Variants in JPH3 observed in about 807,000 individuals in gnomAD.
JPH3 encodes junctophilin-3.
A neutral mutation model predicts 59.6 loss-of-function variants in JPH3; 11 were observed. The observed-to-expected ratio is 0.18, with a 90% CI of 0.12 to 0.31. The LOEUF is 0.31. Among genes scored for constraint, JPH3 ranks in the 10% least tolerant of loss-of-function variants. JPH3 has a pLI of 1.00. For synonymous variants in JPH3, 673 were observed against 483.6 expected (o/e 1.39, Z -5.14); for missense variants, 1,202 against 1,105.7 (o/e 1.09, Z -1.24).
At chr16:87,692,809 C>A (rs2033633979) in intron 4 of JPH3, among the ~76,000 whole-genome samples, 1 of 152,208 alleles carries the variant, frequency 6.6e-6, no homozygotes, top group Non-Finnish European at 1.5e-5. Context: ...AAGCTTCCCT[C>A]CTGCGGGCAG....
intron 4 of JPH3, chr16:87,696,271 G>A (rs554379135): frequency 4.7e-5 from 23 of 489,622 alleles, no homozygotes; most frequent in Admixed American, 3.7e-4. Flanking sequence ...GGGAGGCCTG[G>A]GTGGTTCTCT....
chr16:87,677,227 A>AC (rs1567610816), intron 2 of JPH3, among the ~76,000 whole-genome samples: 5,504 of 98,680 alleles, frequency 0.056, 199 homozygotes, highest in Middle Eastern at 0.076. Flanking sequence ...CACACACACA[A>AC]AAAAAAAAAT....
intron 1 of JPH3, among the ~76,000 whole-genome samples, chr16:87,641,883 A>T (rs1378125187): frequency 1.3e-5 from 2 of 152,202 alleles, no homozygotes; most frequent in Non-Finnish European, 2.9e-5. Context: ...TACATTCTGG[A>T]ACATCTAAGA....
intron 2 of JPH3, among the ~76,000 whole-genome samples, chr16:87,677,226 A>ACAC (rs1491554199): frequency 3.4e-4 from 30 of 88,100 alleles, no homozygotes; most frequent in Admixed American, 1.7e-3. Flanking sequence ...ACACACACAC[A>ACAC]AAAAAAAAAA....
Position 87,696,877 on chromosome 16 carries a change from ACT to A in JPH3, c.*220_*221del. 3 of 548,916 alleles carry A rather than the reference ACT, an allele frequency of 5.5e-6. No individual in the cohort carries two copies. The South Asian group carries it at 6.1e-5, about 11-fold the overall frequency. The allele number at this position is 548,916 out of a possible 1,614,324, so 34.0% of individuals were successfully genotyped here. On this transcript the variant is annotated 3_prime_UTR_variant, in exon 5 of 5. Coordinates refer to ENST00000284262, the MANE Select transcript of JPH3 (RefSeq NM_020655.4). ...AGCCAAAATTCTTTGCTTGTATAACACTCTGCTGTGTGGCATGGCAGAAGGAG... is the reference window on the plus strand; with the variant it reads ...AGCCAAAATTCTTTGCTTGTATAACACTGCTGTGTGGCATGGCAGAAGGAG...
intron 2 of JPH3, among the ~76,000 whole-genome samples, chr16:87,680,584 C>T (rs563484665): frequency 3.3e-5 from 5 of 152,330 alleles, no homozygotes; most frequent in Admixed American, 6.5e-5. Context: ...GGAGGCACTA[C>T]GGAGCCATGG....
intron 2 of JPH3, among the ~76,000 whole-genome samples, chr16:87,658,277 G>C (rs145730017): frequency 7.1e-4 from 108 of 152,314 alleles, no homozygotes; most frequent in Middle Eastern, 3.4e-3. Context: ...TCCCGGCAGG[G>C]ATTCTGCATT....
At position 87,690,364 on chromosome 16, in the gene JPH3, C is replaced by G; in HGVS notation, c.2004C>G (p.Ala668=). The G allele has an allele frequency of 1.9e-6, 3 of 1,551,776 alleles. No individual in the cohort carries two copies. The highest frequency in any genetic ancestry group is 2.6e-6 in the Non-Finnish European group (3 of 1,151,628). Residue 668 remains alanine, a synonymous_variant, in exon 4 of 5, where the codon GCC becomes GCG. Coordinates refer to ENST00000284262, the MANE Select transcript of JPH3 (RefSeq NM_020655.4). ...AGAACAAGGAGAACTTCAGGCCGGCCTCCTCCGCGGAGCCCGCCGTGCAGA... is the reference window on the plus strand; with the variant it reads ...AGAACAAGGAGAACTTCAGGCCGGCGTCCTCCGCGGAGCCCGCCGTGCAGA... ...KAQNKENFRP[A]SSAEPAVQKL...
intron 2 of JPH3, among the ~76,000 whole-genome samples, chr16:87,651,153 G>T (rs1401691854): frequency 2.0e-5 from 3 of 152,218 alleles, no homozygotes; most frequent in African/African-American, 7.2e-5. Flanking sequence ...GAACAACAAA[G>T]ACCTGGATGG....
At chr16:87,677,119 A>G (rs1423801844) in intron 2 of JPH3, among the ~76,000 whole-genome samples, 6 of 150,904 alleles carry the variant, frequency 4.0e-5, no homozygotes, top group East Asian at 1.9e-4. Context: ...AGATCGTGCC[A>G]CTGCAATCCA....
chr16:87,619,118 C>G (rs1215786318), intron 1 of JPH3, among the ~76,000 whole-genome samples: 3 of 151,644 alleles, frequency 2.0e-5, no homozygotes, highest in Non-Finnish European at 4.4e-5. Context: ...GCACTGCGCA[C>G]CAGCCTGGGC....
intron 1 of JPH3, among the ~76,000 whole-genome samples, chr16:87,636,404 T>G (rs1406079662): frequency 6.6e-6 from 1 of 152,342 alleles, no homozygotes; most frequent in Middle Eastern, 3.4e-3. Context: ...GTGGCCGAGC[T>G]GATGGTGCAG....
chr16:87,603,299 C>A lies in JPH3; in HGVS notation c.153C>A (p.Gly51=). 5 of 1,613,386 alleles carry A rather than the reference C, an allele frequency of 3.1e-6. No homozygotes were observed. Among genetic ancestry groups the A allele is most frequent in the Non-Finnish European group, 4.2e-6 (5 of 1,179,870 alleles). Reference sequence around the variant, plus strand: ...GGAGCCACGGCTTCGAGGTGCTGGGCGTCTACACCTGGCCCAGCGGCAACA... The same window carrying A: ...GGAGCCACGGCTTCGAGGTGCTGGGAGTCTACACCTGGCCCAGCGGCAACA... ...GSWSHGFEVL[G]VYTWPSGNTY... The change falls in exon 1 of 5, where the codon GGC becomes GGA. Residue 51 remains glycine, a synonymous_variant. Coordinates refer to ENST00000284262, the MANE Select transcript of JPH3 (RefSeq NM_020655.4).
chr16:87,603,664 C>G (rs995265796), intron 1 of JPH3, 136 bp downstream of exon 1: 12 of 1,127,482 alleles, frequency 1.1e-5, no homozygotes, highest in Non-Finnish European at 1.5e-5. Flanking sequence ...CCGGGCTTCC[C>G]TGGAAGCCAC....
chr16:87,632,478 G>T (rs955797977), intron 1 of JPH3, among the ~76,000 whole-genome samples: 1 of 152,198 alleles, frequency 6.6e-6, no homozygotes. Flanking sequence ...ATGGAGTCTT[G>T]CTCTGCCACC....
At chr16:87,680,939 T>A (rs1319618850) in intron 2 of JPH3, among the ~76,000 whole-genome samples, 1 of 151,900 alleles carries the variant, frequency 6.6e-6, no homozygotes, top group Non-Finnish European at 1.5e-5. Context: ...AATGGGCCCA[T>A]CCGGGGAGTT....
At position 87,645,032 on chromosome 16, in the gene JPH3, C is replaced by T; in HGVS notation, c.1157C>T (p.Ser386Phe). 1 of 1,601,136 alleles carries T rather than the reference C, an allele frequency of 6.2e-7. No homozygotes were observed. ...IAKQKAEIAASRTSHSRAKAE... is the reference protein window; with the variant it reads ...IAKQKAEIAAFRTSHSRAKAE... ...AAGCAGAAGGCTGAGATCGCGGCTT[C>T]CAGGTAGGAGGGCGAGGGGGCGGGG... Residue 386 changes from serine to phenylalanine, a missense_variant, in exon 2 of 5, where the codon TCC (serine) becomes TTC (phenylalanine). By Grantham distance (155) the Ser-to-Phe change is radical. Coordinates refer to ENST00000284262, the MANE Select transcript of JPH3 (RefSeq NM_020655.4).
chr16:87,645,134 G>C (rs1341323668), intron 2 of JPH3, 99 bp downstream of exon 2: 1 of 1,303,480 alleles, frequency 7.7e-7, no homozygotes, highest in South Asian at 1.5e-5. Flanking sequence ...CTTGGGCTAG[G>C]CCCAGTTTGA....
chr16:87,641,234 G>A (rs748733300), intron 1 of JPH3, among the ~76,000 whole-genome samples: 2 of 152,110 alleles, frequency 1.3e-5, no homozygotes, highest in East Asian at 1.9e-4. Context: ...CTGCTTGCCC[G>A]GCTCTTGGCA....
Sources: allele counts gnomAD v4.1 joint callset (sites outside exome capture counted in the v4.1 genomes callset), GRCh38; gene constraint gnomAD v4.1.1; transcripts MANE v1.5; gene names NCBI Gene and HGNC (gene_info 2026-07-23, HGNC 2026-07-21).